The following NRXN3 variants were observed in gnomAD, a reference collection of about 807,000 sequenced individuals.
The protein encoded by NRXN3 is neurexin III.
Under a neutral mutation model 137.6 loss-of-function variants are expected in NRXN3, and 32 were observed. The ratio of observed to expected loss-of-function variants is 0.23; its 90% CI spans 0.18 to 0.31. The LOEUF (loss-of-function observed/expected upper bound fraction) is 0.31. Among genes scored for constraint, NRXN3 ranks in the 10% least tolerant of loss-of-function variants. The probability of loss-of-function intolerance (pLI) is 1.00; values close to 1 mark genes in which losing one functional copy is unlikely to be tolerated. For synonymous variants in NRXN3, 798 were observed against 784.5 expected, an observed-to-expected ratio of 1.02 and a Z score of -0.29; for missense variants, 1,574 against 2,062.5, an observed-to-expected ratio of 0.76 and a Z score of 4.59.
intron 20 of NRXN3, among the ~76,000 whole-genome samples, chr14:79,850,294 G>T (rs2099388979): frequency 1.3e-5 from 2 of 152,138 alleles, no homozygotes; most frequent in South Asian, 4.1e-4. Context: ...TCCCTGGGAA[G>T]TTTAAAATAT....
At chr14:78,821,940 C>T (rs1173751489) in intron 10 of NRXN3, among the ~76,000 whole-genome samples, 2 of 152,038 alleles carry the variant, frequency 1.3e-5, no homozygotes, top group East Asian at 1.9e-4. Flanking sequence ...ATGGTAACAC[C>T]GCGATGACTA....
intron 1 of NRXN3, among the ~76,000 whole-genome samples, chr14:78,187,750 C>T (rs1269962102): frequency 2.7e-5 from 4 of 148,216 alleles, no homozygotes; most frequent in Non-Finnish European, 4.4e-5. Flanking sequence ...AAGTGAGAGT[C>T]GGGGCTAACT....
chr14:78,948,611 A>G (rs1226525742), intron 10 of NRXN3, among the ~76,000 whole-genome samples: 5 of 147,310 alleles, frequency 3.4e-5, no homozygotes, highest in Non-Finnish European at 5.9e-5. Flanking sequence ...ACTTTCATTT[A>G]CAATATACAC....
At chr14:79,231,889 G>A (rs2072273075) in intron 15 of NRXN3, among the ~76,000 whole-genome samples, 1 of 152,116 alleles carries the variant, frequency 6.6e-6, no homozygotes, top group Non-Finnish European at 1.5e-5. Flanking sequence ...GGTGATGGTA[G>A]GGTGAGGTCT....
chr14:79,788,250 G>A (rs553175161), intron 19 of NRXN3, among the ~76,000 whole-genome samples: 125 of 152,248 alleles, frequency 8.2e-4, no homozygotes, highest in African/African-American at 2.9e-3. Flanking sequence ...ACTTCCCACC[G>A]GGTTCCCTCC....
chr14:79,861,451 TACC>T lies in NRXN3; in HGVS notation c.4206_4208del (p.Thr1403del). On this transcript the variant is annotated inframe_deletion, in exon 21 of 21. Transcript: ENST00000335750. The surrounding 1 kb of genome is among the most constrained non-coding windows in gnomAD (Gnocchi z 5.4). ...AAGTCTCCGAAACTAGTAGGACTAC[TACC>T]ACATCTTTATCCCCTGAGCTGATCC... is the stretch of plus-strand genomic sequence containing the variant. 1 of 1,536,756 alleles carries T rather than the reference TACC, an allele frequency of 6.5e-7. No individual in the cohort carries two copies. Among genetic ancestry groups the T allele is most frequent in the Non-Finnish European group, 8.7e-7 (1 of 1,147,034 alleles).
At chr14:79,145,116 C>T (rs543171237) in intron 15 of NRXN3, among the ~76,000 whole-genome samples, 11 of 151,982 alleles carry the variant, frequency 7.2e-5, no homozygotes, top group East Asian at 1.9e-4. Context: ...TCAAGGGGCG[C>T]GATTTTAGAG....
intron 4 of NRXN3, among the ~76,000 whole-genome samples, chr14:78,432,629 T>G (rs1371511951): frequency 6.6e-6 from 1 of 152,212 alleles, no homozygotes; most frequent in Admixed American, 6.5e-5. Context: ...AGAAGTTCAG[T>G]AAAGCTGCCT....
chr14:78,517,695 G>C (rs911633943), intron 4 of NRXN3, among the ~76,000 whole-genome samples: 2 of 152,070 alleles, frequency 1.3e-5, no homozygotes, highest in Non-Finnish European at 2.9e-5. Flanking sequence ...AGGTGTTTTT[G>C]CCTTCAATTC....
chr14:78,344,734 C>T (rs1009763077), intron 4 of NRXN3, among the ~76,000 whole-genome samples: 1 of 152,204 alleles, frequency 6.6e-6, no homozygotes, highest in Non-Finnish European at 1.5e-5. Flanking sequence ...TGCTTATCAT[C>T]CTGTTCACTG....
intron 15 of NRXN3, among the ~76,000 whole-genome samples, chr14:79,315,040 C>T (rs1481873782): frequency 2.6e-5 from 4 of 152,178 alleles, no homozygotes; most frequent in Non-Finnish European, 5.9e-5. Flanking sequence ...CCTGATTTCC[C>T]TTGGAAACTT....
chr14:79,086,147 G>T (rs2152781147), intron 15 of NRXN3, among the ~76,000 whole-genome samples: 1 of 152,256 alleles, frequency 6.6e-6, no homozygotes. Flanking sequence ...CCGGTAGGAT[G>T]ACATGAGATA....
chr14:78,809,177 T>C (rs1224477435), intron 9 of NRXN3, among the ~76,000 whole-genome samples: 5 of 152,126 alleles, frequency 3.3e-5, no homozygotes, highest in Non-Finnish European at 7.3e-5. Flanking sequence ...CAGAGATTAA[T>C]ACAATGATAG....
At chr14:79,811,005 T>G (rs2099230479) in intron 20 of NRXN3, among the ~76,000 whole-genome samples, 1 of 152,236 alleles carries the variant, frequency 6.6e-6, no homozygotes, top group Admixed American at 6.5e-5. Flanking sequence ...ATGTTTTTAT[T>G]ACAAATAAGT....
At chr14:78,675,430 G>T (rs1417541209) in intron 6 of NRXN3, among the ~76,000 whole-genome samples, 1 of 152,194 alleles carries the variant, frequency 6.6e-6, no homozygotes, top group Non-Finnish European at 1.5e-5. Context: ...CCAAGTGCAT[G>T]GATCCAGGAG....
chr14:78,528,858 A>G (rs1411355414), intron 4 of NRXN3, among the ~76,000 whole-genome samples: 2 of 152,168 alleles, frequency 1.3e-5, no homozygotes, highest in African/African-American at 4.8e-5. Context: ...TTCTGTATCT[A>G]GATTACCAAT....
At chr14:78,202,405 A>G (rs2061763605) in intron 1 of NRXN3, among the ~76,000 whole-genome samples, 1 of 152,164 alleles carries the variant, frequency 6.6e-6, no homozygotes, top group African/African-American at 2.4e-5. Context: ...AGATGTCAAG[A>G]GTAAAATGGT....
intron 1 of NRXN3, among the ~76,000 whole-genome samples, chr14:78,217,928 T>C (rs2063461823): frequency 6.6e-6 from 1 of 152,212 alleles, no homozygotes; most frequent in South Asian, 2.1e-4. Context: ...ACCAAAGTGC[T>C]GGGATTACAG....
At chr14:79,674,430 G>C (rs1476552827) in intron 17 of NRXN3, among the ~76,000 whole-genome samples, 1 of 151,984 alleles carries the variant, frequency 6.6e-6, no homozygotes, top group Non-Finnish European at 1.5e-5. Flanking sequence ...TGGTTCCAAG[G>C]TAGAAGTATT....
Sources: gnomAD v4.1 joint callset for allele counts (sites outside exome capture counted in the v4.1 genomes callset) on GRCh38, gnomAD v4.1.1 for gene constraint, Gnocchi (gnomAD v3.1) non-coding constraint, MANE v1.5 for transcripts, NCBI Gene and HGNC (gene_info 2026-07-23, HGNC 2026-07-21) for gene names.